The following CAP2 variants were observed in gnomAD, a reference collection of about 807,000 sequenced individuals.
CAP2 encodes the protein adenylyl cyclase-associated protein 2.
Under a neutral mutation model 57.7 loss-of-function variants are expected in CAP2, and 24 were observed. The ratio of observed to expected loss-of-function variants is 0.42; its 90% confidence interval spans 0.30 to 0.58. The LOEUF (loss-of-function observed/expected upper bound fraction) is 0.58. CAP2 is among the 20% of genes least tolerant of loss of function. The pLI is 0.22. For synonymous variants in CAP2, 194 were observed against 207.2 expected (o/e 0.94, Z 0.55); for missense variants, 501 against 590.3 (o/e 0.85, Z 1.57).
At chr6:17,499,778 G>A (rs990834032) in intron 4 of CAP2, among the ~76,000 whole-genome samples, 9 of 151,582 alleles carry the variant, frequency 5.9e-5, no homozygotes, top group African/African-American at 2.2e-4. Context: ...TTGAGCCTGG[G>A]AGATTGAGGT....
Position 17,463,074 on chromosome 6 carries a change from G to A in CAP2, c.300+1G>A. The A allele has an allele frequency of 6.2e-7, 1 of 1,609,262 alleles. No homozygotes were observed. Among genetic ancestry groups the A allele is most frequent in the Non-Finnish European group, 8.5e-7 (1 of 1,175,594 alleles). On this transcript the variant is annotated splice_donor_variant, in intron 4 of 12. Transcript: ENST00000229922. LOFTEE classifies it high-confidence loss of function. ...CTCTCAGTACCAACAACCCCACGAG[G>A]TAAGAGAGTGTCCTGAGAGGGAAGG...
At chr6:17,519,034 T>C (rs1762332426) in intron 7 of CAP2, among the ~76,000 whole-genome samples, 1 of 152,212 alleles carries the variant, frequency 6.6e-6, no homozygotes. Context: ...CGACTTAACA[T>C]CTCAAGTACT....
At chr6:17,517,493 A>G (rs1024579032) in intron 7 of CAP2, among the ~76,000 whole-genome samples, 1 of 152,238 alleles carries the variant, frequency 6.6e-6, no homozygotes, top group African/African-American at 2.4e-5. Context: ...TGCTCTTACT[A>G]TGTACAACAC....
intron 6 of CAP2, among the ~76,000 whole-genome samples, chr6:17,512,115 C>A (rs932989740): frequency 1.3e-5 from 2 of 151,930 alleles, no homozygotes; most frequent in Non-Finnish European, 2.9e-5. Flanking sequence ...CTGAATCAGA[C>A]ATGGTGGCTC....
At chr6:17,470,369 G>A (rs1008569317) in intron 4 of CAP2, among the ~76,000 whole-genome samples, 1 of 152,212 alleles carries the variant, frequency 6.6e-6, no homozygotes, top group Non-Finnish European at 1.5e-5. Flanking sequence ...AAAAGCAGGC[G>A]AGGGTCATGT....
At chr6:17,552,467 G>A (rs1372252871) in intron 12 of CAP2, among the ~76,000 whole-genome samples, 2 of 152,012 alleles carry the variant, frequency 1.3e-5, no homozygotes, top group South Asian at 2.1e-4. Flanking sequence ...TGGCCAACAC[G>A]GCAAAAGCCC....
At chr6:17,471,039 G>T (rs1340177585) in intron 4 of CAP2, among the ~76,000 whole-genome samples, 4 of 152,148 alleles carry the variant, frequency 2.6e-5, no homozygotes, top group Admixed American at 2.0e-4. Context: ...ATAACGATAA[G>T]GTGTCAAGTT....
At chr6:17,522,279 A>G (rs77581250) in intron 7 of CAP2, among the ~76,000 whole-genome samples, 1 of 152,218 alleles carries the variant, frequency 6.6e-6, no homozygotes, top group Admixed American at 6.5e-5. Flanking sequence ...AGGAGTTGTT[A>G]TAGGGAAATC....
chr6:17,502,748 G>C (rs1476030395), intron 4 of CAP2, among the ~76,000 whole-genome samples: 2 of 152,164 alleles, frequency 1.3e-5, no homozygotes, highest in African/African-American at 4.8e-5. Flanking sequence ...CCTTGGGGCA[G>C]TGGGCCAGGT....
chr6:17,455,605 A>G (rs1185010879), intron 3 of CAP2, among the ~76,000 whole-genome samples: 1 of 150,278 alleles, frequency 6.7e-6, no homozygotes, highest in Non-Finnish European at 1.5e-5. Context: ...GTGCAATCTC[A>G]GCTCACTGCA....
chr6:17,496,159 G>A (rs1044571046), intron 4 of CAP2, among the ~76,000 whole-genome samples: 8 of 152,042 alleles, frequency 5.3e-5, no homozygotes, highest in Admixed American at 3.9e-4. Context: ...CAGCCCAGCA[G>A]GCCTCCATGA....
intron 3 of CAP2, among the ~76,000 whole-genome samples, chr6:17,440,241 A>G (rs1334787400): frequency 6.6e-6 from 1 of 151,258 alleles, no homozygotes; most frequent in African/African-American, 2.5e-5. Context: ...ATGATTCTTG[A>G]GTTTATTTTG....
intron 7 of CAP2, among the ~76,000 whole-genome samples, chr6:17,526,792 T>A (rs1258267720): frequency 2.0e-5 from 3 of 151,500 alleles, no homozygotes; most frequent in Non-Finnish European, 4.4e-5. Flanking sequence ...ACCCCGTCTC[T>A]ACTAAAAATA....
intron 7 of CAP2, among the ~76,000 whole-genome samples, chr6:17,522,232 C>T (rs1762409171): frequency 6.6e-6 from 1 of 152,156 alleles, no homozygotes; most frequent in Non-Finnish European, 1.5e-5. Flanking sequence ...TAGTGAAGTT[C>T]GAAAAGCACT....
At chr6:17,463,252 C>T (rs982122742) in intron 4 of CAP2, among the ~76,000 whole-genome samples, 179 bp downstream of exon 4, 1 of 148,546 alleles carries the variant, frequency 6.7e-6, no homozygotes, top group African/African-American at 2.5e-5. Flanking sequence ...CTCCTAATCT[C>T]ATTAATAGTA....
chr6:17,449,811 C>G (rs1457939697), intron 3 of CAP2, among the ~76,000 whole-genome samples: 1 of 152,202 alleles, frequency 6.6e-6, no homozygotes, highest in African/African-American at 2.4e-5. Context: ...CCAAATTATT[C>G]TCCCACATAT....
chr6:17,507,061 CT>C (rs1762005967), intron 4 of CAP2, 107 bp from the exon 5 acceptor site: 1 of 1,076,024 alleles, frequency 9.3e-7, no homozygotes, highest in African/African-American at 1.6e-5. Flanking sequence ...TTTTAGACCC[CT>C]TAACAGACGG....
chr6:17,492,954 A>C (rs903993460), intron 4 of CAP2, among the ~76,000 whole-genome samples: 2 of 152,212 alleles, frequency 1.3e-5, no homozygotes, highest in African/African-American at 2.4e-5. Context: ...AAGAACAAGA[A>C]AACATGAGGT....
At chr6:17,494,202 C>T (rs1020459514) in intron 4 of CAP2, among the ~76,000 whole-genome samples, 1 of 152,202 alleles carries the variant, frequency 6.6e-6, no homozygotes, top group Admixed American at 6.5e-5. Flanking sequence ...AAGAAAACCA[C>T]ATCATGTTAT....
Sources: allele counts gnomAD v4.1 joint callset (sites outside exome capture counted in the v4.1 genomes callset), GRCh38; gene constraint gnomAD v4.1.1; transcripts MANE v1.5; gene names NCBI Gene and HGNC (gene_info 2026-07-23, HGNC 2026-07-21).